RARB: variants seen among roughly 807,000 people sequenced by gnomAD.
RARB encodes HBV-activated protein.
RARB carries 17 observed loss-of-function variants against 51.9 expected under a neutral mutation model. That is an observed-to-expected ratio of 0.33 (90% CI 0.22 to 0.49). The LOEUF (loss-of-function observed/expected upper bound fraction) is 0.49. Among genes scored for constraint, RARB ranks in the 20% least tolerant of loss-of-function variants. RARB has a pLI of 0.99. For synonymous variants in RARB, 215 were observed against 195.4 expected, an observed-to-expected ratio of 1.10 and a Z score of -0.84; for missense variants, 369 against 550.8, an observed-to-expected ratio of 0.67 and a Z score of 3.30.
At chr3:25,458,479 G>A (rs1036690601) in intron 1 of RARB, 2 of 152,160 alleles carry the variant, frequency 1.3e-5, no homozygotes, top group East Asian at 3.9e-4. Context: ...GTGTTTTCTT[G>A]TTAATTCGCT....
intron 5 of RARB, among the ~76,000 whole-genome samples, chr3:25,259,405 G>T (rs967859553): frequency 3.3e-5 from 5 of 152,066 alleles, no homozygotes; most frequent in Admixed American, 2.0e-4. Flanking sequence ...TATTTATTGG[G>T]TCTCATGTAT....
At chr3:25,214,481 T>C (rs1006065436) in intron 5 of RARB, among the ~76,000 whole-genome samples, 2 of 152,108 alleles carry the variant, frequency 1.3e-5, no homozygotes, top group East Asian at 3.9e-4. Flanking sequence ...AAATAACATA[T>C]CAGTAAGTAT....
chr3:25,596,755 A>G lies in RARB; in HGVS notation c.*139A>G, dbSNP rs976499292. ...TCAAGAAGGACCAAGAAGTTTTCAT[A>G]TGTATCAATATATATACTCCTCACT... is the stretch of plus-strand genomic sequence containing the variant. On this transcript the variant is annotated 3_prime_UTR_variant, in exon 8 of 8. Transcript: ENST00000330688. The G allele has an allele frequency of 7.1e-6, 5 of 705,420 alleles. No homozygotes were observed. Among genetic ancestry groups the G allele is most frequent in the East Asian group, 2.7e-5 (1 of 36,706 alleles). 43.7% of individuals were successfully genotyped at this position (705,420 alleles called of 1,614,324 possible).
At chr3:25,263,610 A>G (rs1703057374) in intron 5 of RARB, among the ~76,000 whole-genome samples, 2 of 152,214 alleles carry the variant, frequency 1.3e-5, no homozygotes. Context: ...CACACAGGCT[A>G]TGGGCCTCAA....
At chr3:25,098,583 G>A (rs540753960) in intron 3 of RARB, among the ~76,000 whole-genome samples, 7 of 152,188 alleles carry the variant, frequency 4.6e-5, no homozygotes, top group Admixed American at 1.3e-4. Context: ...ACGGCTGGTG[G>A]GTCAAGTCCA....
chr3:25,438,525 A>G (rs566287317), intron 1 of RARB, among the ~76,000 whole-genome samples: 2 of 152,336 alleles, frequency 1.3e-5, no homozygotes, highest in South Asian at 4.1e-4. Flanking sequence ...GACAACATAC[A>G]TCATTTTCAG....
chr3:25,345,657 T>C (rs549239257), intron 5 of RARB, among the ~76,000 whole-genome samples: 1,779 of 112,790 alleles, frequency 0.016, 42 homozygotes, highest in African/African-American at 0.061. Flanking sequence ...AGAGTGAGAC[T>C]CCGTCTCAAA....
chr3:25,460,885 ACTTC>A (rs1695145919), intron 1 of RARB, among the ~76,000 whole-genome samples: 1 of 152,186 alleles, frequency 6.6e-6, no homozygotes, highest in Admixed American at 6.5e-5. Context: ...TAGACAAGTC[ACTTC>A]CTTCCTTTGA....
chr3:25,189,955 C>G (rs1020919808), intron 5 of RARB, among the ~76,000 whole-genome samples: 2 of 152,072 alleles, frequency 1.3e-5, no homozygotes, highest in African/African-American at 4.8e-5. Context: ...AAACTCCTCA[C>G]CTTTCCTTTT....
chr3:25,440,193 G>A (rs1050308191), intron 1 of RARB, among the ~76,000 whole-genome samples: 2 of 152,110 alleles, frequency 1.3e-5, no homozygotes, highest in Non-Finnish European at 2.9e-5. Context: ...ACTCATACCG[G>A]AAATTCTAGC....
intron 2 of RARB, among the ~76,000 whole-genome samples, chr3:24,914,668 A>G (rs1695068850): frequency 6.6e-6 from 1 of 152,176 alleles, no homozygotes; most frequent in African/African-American, 2.4e-5. Flanking sequence ...TGTAAATGCT[A>G]TATAATAGTT....
At chr3:24,876,413 A>AT (rs1703043608) in intron 2 of RARB, among the ~76,000 whole-genome samples, 1 of 152,248 alleles carries the variant, frequency 6.6e-6, no homozygotes, top group African/African-American at 2.4e-5. Flanking sequence ...TCTCTGCCTC[A>AT]TTTAATGCAA....
At chr3:25,262,103 T>A (rs1424525569) in intron 5 of RARB, among the ~76,000 whole-genome samples, 2 of 152,194 alleles carry the variant, frequency 1.3e-5, no homozygotes, top group East Asian at 3.9e-4. Context: ...GGAAGCTCTC[T>A]ATGACTAAAC....
At chr3:25,477,166 A>C (rs1420521152) in intron 2 of RARB, among the ~76,000 whole-genome samples, 1 of 152,242 alleles carries the variant, frequency 6.6e-6, no homozygotes. Context: ...TGAAAATGTC[A>C]ATAGGCATCC....
chr3:25,347,542 C>T (rs139714167), intron 5 of RARB, among the ~76,000 whole-genome samples: 3 of 152,306 alleles, frequency 2.0e-5, no homozygotes, highest in Non-Finnish European at 2.9e-5. Context: ...TTATTACTTT[C>T]TTATAAAGTT....
intron 5 of RARB, among the ~76,000 whole-genome samples, chr3:25,230,277 C>T (rs554715370): frequency 3.2e-4 from 49 of 152,152 alleles, no homozygotes; most frequent in African/African-American, 9.6e-4. Flanking sequence ...ACATGTCACA[C>T]GCCTTTTTAC....
intron 3 of RARB, among the ~76,000 whole-genome samples, chr3:25,515,259 T>C (rs1163213085): frequency 2.0e-5 from 3 of 152,188 alleles, no homozygotes; most frequent in Non-Finnish European, 4.4e-5. Context: ...TGGCTGACAC[T>C]AAAAGGACTG....
At chr3:24,968,321 A>G (rs1391232643) in intron 2 of RARB, among the ~76,000 whole-genome samples, 3 of 152,140 alleles carry the variant, frequency 2.0e-5, no homozygotes, top group African/African-American at 7.2e-5. Context: ...ACTGGGTACA[A>G]GATCTTCATT....
intron 3 of RARB, among the ~76,000 whole-genome samples, chr3:25,076,139 G>C (rs1698865567): frequency 1.8e-5 from 2 of 111,084 alleles, no homozygotes; most frequent in African/African-American, 6.1e-5. Flanking sequence ...CCCAGAAGCA[G>C]TTATTTATTT....
Sources: gnomAD v4.1 joint callset for allele counts (sites outside exome capture counted in the v4.1 genomes callset) on GRCh38, gnomAD v4.1.1 for gene constraint, MANE v1.5 for transcripts, NCBI Gene and HGNC (gene_info 2026-07-23, HGNC 2026-07-21) for gene names.